Variants in WTAP observed in about 807,000 individuals in gnomAD.
WTAP encodes WT1 associated protein.
Under a neutral mutation model 50.0 loss-of-function variants are expected in WTAP, and 8 were observed. That is an observed-to-expected ratio of 0.16 (90% CI 0.09 to 0.29). The LOEUF is 0.29. Ranked by LOEUF, WTAP falls within the 10% of genes least tolerant of loss-of-function variation. The pLI is 1.00. For missense variants in WTAP, 295 were observed against 470.7 expected, an observed-to-expected ratio of 0.63 and a Z score of 3.45; for synonymous variants, 194 against 169.0, an observed-to-expected ratio of 1.15 and a Z score of -1.15.
At chr6:159,737,976 T>C (rs1293827950) in intron 2 of WTAP, among the ~76,000 whole-genome samples, 1 of 152,258 alleles carries the variant, frequency 6.6e-6, no homozygotes, top group Non-Finnish European at 1.5e-5. Context: ...TGTGCAACTT[T>C]CACTGAGCCT....
At chr6:159,726,981 G>A, upstream of WTAP, 1 of 1,280,824 alleles carries the variant, frequency 7.8e-7, no homozygotes, top group Admixed American at 2.3e-5. Context: ...GGCCAATCAC[G>A]CGCCGCCTTC....
intron 2 of WTAP, among the ~76,000 whole-genome samples, chr6:159,737,474 T>G (rs1220335412): frequency 2.6e-5 from 4 of 152,188 alleles, no homozygotes; most frequent in Non-Finnish European, 5.9e-5. Flanking sequence ...AAGGGAATAC[T>G]AATAAAGCCT....
intron 5 of WTAP, among the ~76,000 whole-genome samples, chr6:159,745,766 A>C (rs1779539228): frequency 6.6e-6 from 1 of 152,202 alleles, no homozygotes; most frequent in South Asian, 2.1e-4. Context: ...ATTTGAGAGG[A>C]ACAGGACTTT....
At chr6:159,738,699 T>C (rs1040720100) in intron 2 of WTAP, among the ~76,000 whole-genome samples, 3 of 152,210 alleles carry the variant, frequency 2.0e-5, no homozygotes, top group African/African-American at 7.2e-5. Flanking sequence ...TTTCTCTGAA[T>C]CCTCACCAGC....
chr6:159,744,623 G>T (rs1562462075), intron 5 of WTAP, among the ~76,000 whole-genome samples: 2 of 152,144 alleles, frequency 1.3e-5, no homozygotes, highest in Non-Finnish European at 2.9e-5. Context: ...ACAAAAGCAC[G>T]TATTTACTCT....
Position 159,748,159 on chromosome 6 carries a change from T to G in WTAP, c.274-32T>G. The G allele has an allele frequency of 6.3e-7, 1 of 1,593,878 alleles. No homozygotes were observed. Among genetic ancestry groups the G allele is most frequent in the Middle Eastern group, 1.7e-4 (1 of 5,996 alleles). On this transcript the variant is annotated intron_variant, in intron 5 of 7. Transcript: ENST00000621533. This position sits in a 1 kb window ranked among gnomAD's most constrained non-coding sequence, Gnocchi z 5.6. ...CCTTCTTATGTATGTTTCCTTTGAT[T>G]TGGTCGTAATTGTTTCTTTTGCTTT...
intron 1 of WTAP, among the ~76,000 whole-genome samples, chr6:159,731,839 A>G (rs556367347): frequency 1.3e-5 from 2 of 152,226 alleles, no homozygotes; most frequent in Non-Finnish European, 2.9e-5. Context: ...CAGAATACCA[A>G]GGTTATCAGA....
chr6:159,733,870 C>T (rs563088696), intron 1 of WTAP, among the ~76,000 whole-genome samples: 7 of 152,228 alleles, frequency 4.6e-5, no homozygotes, highest in Non-Finnish European at 7.4e-5. Flanking sequence ...GAGCCGAGAT[C>T]GCGCCGTTGC....
At chr6:159,741,950 T>TA (rs1158837844) in intron 3 of WTAP, 138 bp from the exon 4 acceptor site, 117 of 661,858 alleles carry the variant, frequency 1.8e-4, no homozygotes, top group East Asian at 4.0e-4. Context: ...AGACTCTGTC[T>TA]AAAAAAAACT....
chr6:159,748,376 A>C lies in WTAP; in HGVS notation c.452+7A>C. The C allele has an allele frequency of 6.2e-7, 1 of 1,613,590 alleles. No individual in the cohort carries two copies. Among genetic ancestry groups the C allele is most frequent in the East Asian group, 2.2e-5 (1 of 44,874 alleles). On this transcript the variant is annotated splice_region_variant and intron_variant, in intron 6 of 7. Transcript: ENST00000621533. This position sits in a 1 kb window ranked among gnomAD's most constrained non-coding sequence, Gnocchi z 5.6. Reference sequence around the variant, plus strand: ...GGAAGTTTACGCCTGATAGGTAAACAAATCATACTCCCCAGTCAAGACTTC... The same window carrying C: ...GGAAGTTTACGCCTGATAGGTAAACCAATCATACTCCCCAGTCAAGACTTC...
At position 159,733,435 on chromosome 6, in the gene WTAP, G is replaced by C. The variant is rs147484557; in HGVS notation, c.-8-2823G>C. 3.9e-3 allele frequency among the ~76,000 whole-genome samples: 572 copies of C among 147,880 alleles called. 3 individuals are homozygous for C. The highest frequency in any genetic ancestry group is 0.013 in the African/African-American group (519 of 39,950). ...AGTTCGAGACCAGCCTGGGCAGCAT[G>C]GCGAAACCCTGTCTCTACCAAAAAA... is the stretch of plus-strand genomic sequence containing the variant. On this transcript the variant is annotated intron_variant, in intron 1 of 7. Coordinates refer to ENST00000621533, the MANE Select transcript of WTAP (RefSeq NM_001270531.2).
chr6:159,727,554 C>T lies in WTAP; in HGVS notation c.-158C>T. The T allele has an allele frequency of 1.0e-6, 1 of 988,720 alleles. No homozygotes were observed. The highest frequency in any genetic ancestry group is 1.2e-6 in the Non-Finnish European group (1 of 832,644). 61.2% of individuals were successfully genotyped at this position (988,720 alleles called of 1,614,324 possible). A position where few individuals can be genotyped will look rare whatever the true frequency, so the allele number is the denominator to read the frequency against. On this transcript the variant is annotated 5_prime_UTR_variant, in exon 1 of 8. Transcript: ENST00000621533. ...AGCGAGACCCACAAATAAAGGGGAG[C>T]GCAGGGGTTGCGGCGGGACTAGGAG...
At chr6:159,738,831 TA>T (rs373027980) in intron 2 of WTAP, among the ~76,000 whole-genome samples, 158 bp from the exon 3 acceptor site, 8,355 of 145,696 alleles carry the variant, frequency 0.057, 385 homozygotes, top group African/African-American at 0.13. Context: ...TAGTTTACCT[TA>T]AAAAAAAAAA....
chr6:159,742,631 T>A (rs1779327695), intron 4 of WTAP, among the ~76,000 whole-genome samples: 1 of 152,230 alleles, frequency 6.6e-6, no homozygotes, highest in South Asian at 2.1e-4. Context: ...AGTCTCACTT[T>A]TTACTGTTTG....
intron 2 of WTAP, among the ~76,000 whole-genome samples, chr6:159,738,043 A>G (rs1215865108): frequency 6.6e-6 from 1 of 152,224 alleles, no homozygotes; most frequent in African/African-American, 2.4e-5. Flanking sequence ...TGTGAAAATC[A>G]GGGAATTGAC....
At chr6:159,728,192 T>G (rs764369638) in intron 1 of WTAP, among the ~76,000 whole-genome samples, 5 of 152,368 alleles carry the variant, frequency 3.3e-5, no homozygotes, top group Non-Finnish European at 5.9e-5. Flanking sequence ...ATAAGCATTC[T>G]GAGGAAAGAA....
At chr6:159,741,754 A>G (rs895351135) in intron 3 of WTAP, 5 of 191,364 alleles carry the variant, frequency 2.6e-5, no homozygotes, top group Non-Finnish European at 4.3e-5. Flanking sequence ...TTGGGAGGCC[A>G]GGGTGTGAGG....
intron 2 of WTAP, 47 bp from the exon 3 acceptor site, chr6:159,738,943 G>A: frequency 1.4e-6 from 2 of 1,435,706 alleles, no homozygotes; most frequent in Non-Finnish European, 1.9e-6. Context: ...ATAGAACTTT[G>A]TGTCTTCAGG....
intron 1 of WTAP, among the ~76,000 whole-genome samples, chr6:159,728,829 A>G (rs192630749): frequency 1.9e-3 from 283 of 152,330 alleles, no homozygotes; most frequent in African/African-American, 6.5e-3. Flanking sequence ...TTATATGTTA[A>G]GGTATCTTAA....
Sources: allele counts gnomAD v4.1 joint callset (sites outside exome capture counted in the v4.1 genomes callset), GRCh38; gene constraint gnomAD v4.1.1; non-coding constraint Gnocchi (gnomAD v3.1); transcripts MANE v1.5; gene names NCBI Gene and HGNC (gene_info 2026-07-23, HGNC 2026-07-21).